Variants in STARD8 observed in about 807,000 individuals in gnomAD.
The protein encoded by STARD8 is StAR related lipid transfer domain containing 8, also known as stAR-related lipid transfer protein 8.
STARD8 carries 25 observed loss-of-function variants against 69.4 expected under a neutral mutation model. That is an observed-to-expected ratio of 0.36 (90% CI 0.26 to 0.50). The LOEUF is 0.50. Among genes scored for constraint, STARD8 ranks in the 20% least tolerant of loss-of-function variants. The pLI, the probability that STARD8 is intolerant of heterozygous loss-of-function variation, is 0.96. For synonymous variants in STARD8, 389 were observed against 374.6 expected (o/e 1.04, Z -0.45); for missense variants, 921 against 932.5 (o/e 0.99, Z 0.16).
chrX:68,652,775 CCACACACCACACACA>C (rs2079557114), intron 1 of STARD8, among the ~76,000 whole-genome samples: 3 of 54,859 alleles, frequency 5.5e-5, no homozygotes, highest in Admixed American at 2.1e-4. Context: ...CACACACACC[CCACACACCACACACA>C]CACACACCAC....
rs1238036837 is a variant in STARD8 at position 68,707,070 on chromosome X, G to A, written c.80-5844G>A. Among the ~76,000 whole-genome samples the A allele has an allele frequency of 3.6e-5, 4 of 112,545 alleles. No homozygotes were observed. In the Admixed American group the frequency reaches 3.7e-4, roughly 11 times the overall value. ...ATAGTGGCATCACAGGTCTTTCTCC[G>A]CCGCTCAGGACACTGGCTTTTCCTC... is the stretch of plus-strand genomic sequence containing the variant. On this transcript the variant is annotated intron_variant, in intron 2 of 14. Coordinates refer to ENST00000374599, the MANE Select transcript of STARD8 (RefSeq NM_001142503.3).
chrX:68,680,221 C>T (rs752088319), intron 2 of STARD8, among the ~76,000 whole-genome samples: 31 of 111,801 alleles, frequency 2.8e-4, no homozygotes, highest in Non-Finnish European at 1.1e-4. Flanking sequence ...TCTGCAGGGC[C>T]GAGCAGGGGA....
rs1372893345 is a variant in STARD8 at position 68,719,252 on chromosome X, C to G, written c.1743C>G (p.Asn581Lys). Residue 581 changes from asparagine to lysine, a missense_variant, in exon 7 of 15, where the codon AAC (asparagine) becomes AAG (lysine). Transcript: ENST00000374599. ...AGCTCCGTTGGCATAGCTTCCAGAA[C>G]TCCCATCGTCCCAGCCTCAACTCAG... ...CRKLRWHSFQ[N>K]SHRPSLNSES... 8.4e-7 allele frequency: 1 copy of G among 1,192,628 alleles called. No homozygotes were observed. Among genetic ancestry groups the G allele is most frequent in the East Asian group, 3.0e-5 (1 of 33,395 alleles).
intron 2 of STARD8, among the ~76,000 whole-genome samples, chrX:68,712,230 G>A (rs1640843571): frequency 8.9e-6 from 1 of 111,886 alleles, no homozygotes; most frequent in Non-Finnish European, 1.9e-5. Context: ...GGCTGGGGCA[G>A]TACTGGGAAG....
At chrX:68,665,575 C>G (rs1237345961) in intron 2 of STARD8, 43 bp downstream of exon 2, 1 of 1,186,437 alleles carries the variant, frequency 8.4e-7, no homozygotes, top group Admixed American at 2.2e-5. Flanking sequence ...TACAAAGAGA[C>G]TGAGCTTCTC....
In STARD8 at chrX:68,670,120, A is replaced by C. The variant is rs760782458; in HGVS notation, c.79+4588A>C. On this transcript the variant is annotated intron_variant, in intron 2 of 14. Coordinates refer to ENST00000374599, the MANE Select transcript of STARD8 (RefSeq NM_001142503.3). The stretch of plus-strand genomic sequence containing the variant: ...GAATTTATTATCATTTGAGACAGGA[A>C]ATCTTTTAACCATGATCCACAGTGA... 4.5e-5 allele frequency among the ~76,000 whole-genome samples: 5 copies of C among 112,217 alleles called. No individual in the cohort carries two copies. In the South Asian group the frequency reaches 1.9e-3, roughly 42 times the overall value.
At chrX:68,649,695 A>G (rs1399149309) in intron 1 of STARD8, among the ~76,000 whole-genome samples, 1 of 111,193 alleles carries the variant, frequency 9.0e-6, no homozygotes, top group Non-Finnish European at 1.9e-5. Context: ...TTGTTTCCCT[A>G]TTTATTTATT....
rs1413245778 is a variant in STARD8, at chrX:68,717,388, G to A, written c.474G>A (p.Leu158=). The A allele has an allele frequency of 8.3e-7, 1 of 1,209,096 alleles. No individual in the cohort carries two copies. The highest frequency in any genetic ancestry group is 3.0e-5 in the East Asian group (1 of 33,736). The change falls in exon 6 of 15, where the codon CTG becomes CTA. Residue 158 remains leucine (L), a synonymous_variant. Transcript: ENST00000374599. ...TCACCGAGCTTAGTGCCACCTCTCT[G>A]CCAGTCATCACCGTGAGCCTACCAC... ...SVLTELSATS[L]PVITVSLPPE...
chrX:68,667,708 G>A (rs960023309), intron 2 of STARD8, among the ~76,000 whole-genome samples: 2 of 110,681 alleles, frequency 1.8e-5, no homozygotes, highest in African/African-American at 6.6e-5. Context: ...CTGCCTGACT[G>A]GCCTGGGGGT....
In STARD8 at chrX:68,720,318, C is replaced by T. The variant is rs765852715; in HGVS notation, c.1944C>T (p.His648=). 1.9e-4 allele frequency: 227 copies of T among 1,207,689 alleles called. No homozygotes were observed. Among genetic ancestry groups the T allele is most frequent in the Admixed American group, 3.3e-4 (15 of 45,691 alleles). Residue 648 remains histidine, a synonymous_variant, in exon 8 of 15, where the codon CAC becomes CAT. Coordinates refer to ENST00000374599, the MANE Select transcript of STARD8 (RefSeq NM_001142503.3). The part of the protein sequence containing the change: ...RNKTPDYRGQ[H]VFGVPPLIHV... ...AGACCCCAGATTACCGGGGACAGCA[C>T]GTATTTGGGGTGCCACCCCTCATCC...
chrX:68,660,616 C>T (rs1423761446), intron 1 of STARD8, among the ~76,000 whole-genome samples: 1 of 112,573 alleles, frequency 8.9e-6, no homozygotes, highest in East Asian at 2.8e-4. Flanking sequence ...GAACTGTGAG[C>T]TGCTCTAAGA....
intron 9 of STARD8, 49 bp downstream of exon 9, chrX:68,721,171 C>T (rs1327088648): frequency 7.7e-6 from 9 of 1,169,989 alleles, no homozygotes; most frequent in Non-Finnish European, 1.0e-5. Context: ...TCTCAACCTC[C>T]CTGAATCCCA....
chrX:68,667,112 G>C (rs1249466800), intron 2 of STARD8, among the ~76,000 whole-genome samples: 1 of 112,317 alleles, frequency 8.9e-6, no homozygotes, highest in Non-Finnish European at 1.9e-5. Flanking sequence ...GATGGGACTG[G>C]TCTTTCTGCT....
intron 2 of STARD8, among the ~76,000 whole-genome samples, chrX:68,674,160 G>C (rs1049295731): frequency 1.8e-5 from 2 of 110,182 alleles, no homozygotes; most frequent in African/African-American, 3.3e-5. Context: ...TAAGTGTGGT[G>C]GTGGGTGCCT....
At chrX:68,653,256 C>CA (rs2079578775) in intron 1 of STARD8, among the ~76,000 whole-genome samples, 1 of 27,443 alleles carries the variant, frequency 3.6e-5, no homozygotes, top group Admixed American at 4.7e-4. Flanking sequence ...CACACATACA[C>CA]CACACACACC....
intron 2 of STARD8, among the ~76,000 whole-genome samples, chrX:68,699,453 G>C (rs931283988): frequency 2.7e-5 from 3 of 112,336 alleles, no homozygotes; most frequent in African/African-American, 9.7e-5. Flanking sequence ...GAACTTAACT[G>C]TGCCTCCCTG....
intron 1 of STARD8, among the ~76,000 whole-genome samples, chrX:68,649,904 A>G (rs1454046723): frequency 2.7e-5 from 3 of 111,159 alleles, no homozygotes; most frequent in South Asian, 3.8e-4. Context: ...TGCAGTGGAA[A>G]TAAGGATGGG....
In STARD8 at chrX:68,712,933, A is replaced by G. The variant is rs767749812; in HGVS notation, c.99A>G (p.Ala33=). The G allele has an allele frequency of 1.7e-6, 2 of 1,207,099 alleles. No individual in the cohort carries two copies. Among genetic ancestry groups the G allele is most frequent in the Non-Finnish European group, 1.1e-6 (1 of 893,051 alleles). ...TTTTAGAAGCCGAGGCCAAAAGAGC[A>G]TGTGAGTGGCTTCAAGCAACAGGAT... ...KKNAEAEAKR[A]CEWLQATGFP... The change falls in exon 3 of 15, where the codon GCA becomes GCG. Residue 33 remains alanine, a synonymous_variant. Transcript: ENST00000374599.
Position 68,712,668 on chromosome X carries a change from G to A in STARD8, c.80-246G>A, listed in dbSNP as rs761351496. On this transcript the variant is annotated intron_variant, in intron 2 of 14. Transcript: ENST00000374599. ...GTGGGAGGGGTTTGGAACAGGCAGG[G>A]AATGAGACTCAAGAAAGCCAGGGCC... Among the ~76,000 whole-genome samples, 84 of 111,742 alleles carry A rather than the reference G, an allele frequency of 7.5e-4. 1 individual carries two copies. The highest frequency in any genetic ancestry group is 2.6e-3 in the African/African-American group (79 of 30,775).
Sources: gnomAD v4.1 joint callset for allele counts (sites outside exome capture counted in the v4.1 genomes callset) on GRCh38, gnomAD v4.1.1 for gene constraint, MANE v1.5 for transcripts, NCBI Gene and HGNC (gene_info 2026-07-23, HGNC 2026-07-21) for gene names.